The following MED12L variants were observed in gnomAD, a reference collection of about 807,000 sequenced individuals.
MED12L encodes mediator of RNA polymerase II transcription subunit 12-like protein.
Under a neutral mutation model 281.3 loss-of-function variants are expected in MED12L, and 60 were observed. The ratio of observed to expected loss-of-function variants is 0.21; its 90% CI spans 0.17 to 0.26. The LOEUF (loss-of-function observed/expected upper bound fraction) is 0.26. Ranked by LOEUF, MED12L falls within the 10% of genes least tolerant of loss-of-function variation. MED12L has a pLI of 1.00. For synonymous variants in MED12L, 974 were observed against 987.2 expected, an observed-to-expected ratio of 0.99 and a Z score of 0.25; for missense variants, 2,146 against 2,680.9, an observed-to-expected ratio of 0.80 and a Z score of 4.41.
chr3:151,368,672 T>TCATG (rs2107966558), intron 25 of MED12L, among the ~76,000 whole-genome samples: 2 of 65,130 alleles, frequency 3.1e-5, no homozygotes, highest in East Asian at 7.8e-4. Flanking sequence ...TTCATTTCAT[T>TCATG]TCATGTCATT....
intron 43 of MED12L, among the ~76,000 whole-genome samples, chr3:151,424,336 C>T (rs934399840): frequency 6.6e-6 from 1 of 152,216 alleles, no homozygotes; most frequent in African/African-American, 2.4e-5. Context: ...GATTAGATGA[C>T]TCTGCCGGAT....
intron 16 of MED12L, among the ~76,000 whole-genome samples, chr3:151,290,805 T>C (rs1286448380): frequency 1.3e-5 from 2 of 152,230 alleles, no homozygotes; most frequent in Admixed American, 1.3e-4. Flanking sequence ...GCTGTGTTAC[T>C]GTGAATTCGA....
chr3:151,378,230 C>G, intron 31 of MED12L, 57 bp downstream of exon 31: 1 of 1,483,838 alleles, frequency 6.7e-7, no homozygotes, highest in Non-Finnish European at 9.0e-7. Flanking sequence ...GAGAAAGTCT[C>G]ACTTCCTGTA....
rs35742538 is a variant in MED12L at position 151,292,288 on chromosome 3, C to CTTTTTTTTTTTTT, written c.2251-57766_2251-57754dup. 1.9e-3 allele frequency among the ~76,000 whole-genome samples: 262 copies of CTTTTTTTTTTTTT among 139,752 alleles called. 3 individuals are homozygous for CTTTTTTTTTTTTT. The highest frequency in any genetic ancestry group is 6.8e-3 in the African/African-American group (247 of 36,590). 91.7% of individuals were successfully genotyped at this position (139,752 alleles called of 152,430 possible). On this transcript the variant is annotated intron_variant, in intron 16 of 44. Coordinates refer to ENST00000687756, the MANE Select transcript of MED12L (RefSeq NM_001393769.1). ...TATTTTCCCAGCAATAATATTGCTCCTTTTTTTTTTTTTTTTTGGATGGAG... is the reference window on the plus strand; with the variant it reads ...TATTTTCCCAGCAATAATATTGCTCCTTTTTTTTTTTTTTTTTTTTTTTTTTTTTTGGATGGAG...
intron 16 of MED12L, chr3:151,328,028 T>G: frequency 6.3e-7 from 1 of 1,592,944 alleles, no homozygotes; most frequent in Non-Finnish European, 8.5e-7. Context: ...ACTGCTATGA[T>G]TTTCTTGGCT....
intron 22 of MED12L, 65 bp downstream of exon 22, chr3:151,365,271 A>G: frequency 1.5e-6 from 2 of 1,347,118 alleles, no homozygotes; most frequent in African/African-American, 2.9e-5. Context: ...CTTCTTTGAA[A>G]TTGATGTCGT....
At chr3:151,190,017 T>C (rs907640564) in intron 13 of MED12L, among the ~76,000 whole-genome samples, 4 of 152,164 alleles carry the variant, frequency 2.6e-5, no homozygotes, top group African/African-American at 9.7e-5. Flanking sequence ...ACCCATATTC[T>C]CACAATTGCA....
chr3:151,426,421 G>A (rs1245222856), intron 43 of MED12L, among the ~76,000 whole-genome samples: 2 of 152,172 alleles, frequency 1.3e-5, no homozygotes, highest in East Asian at 3.9e-4. Context: ...TCCCCTAGTG[G>A]TAGGTGCTCC....
chr3:151,089,889 C>G (rs1432980894), intron 2 of MED12L, among the ~76,000 whole-genome samples: 6 of 152,306 alleles, frequency 3.9e-5, no homozygotes, highest in African/African-American at 1.2e-4. Context: ...TGCTTATACC[C>G]CATTCATCCA....
intron 39 of MED12L, among the ~76,000 whole-genome samples, chr3:151,396,844 A>G (rs1209591541): frequency 6.6e-6 from 1 of 152,232 alleles, no homozygotes; most frequent in Non-Finnish European, 1.5e-5. Flanking sequence ...TGTTTTTAAA[A>G]GGTTCACTTC....
intron 16 of MED12L, among the ~76,000 whole-genome samples, chr3:151,291,877 A>G (rs1744300888): frequency 6.6e-6 from 1 of 152,160 alleles, no homozygotes; most frequent in Non-Finnish European, 1.5e-5. Flanking sequence ...AAAAATAGGG[A>G]TGATGTTCTC....
chr3:151,333,266 A>G (rs886806938), intron 16 of MED12L, among the ~76,000 whole-genome samples: 1 of 152,178 alleles, frequency 6.6e-6, no homozygotes, highest in Non-Finnish European at 1.5e-5. Flanking sequence ...ATACCCAGTC[A>G]TGGGATTGCT....
chr3:151,258,836 A>C (rs1467350335), intron 16 of MED12L, among the ~76,000 whole-genome samples: 1 of 139,610 alleles, frequency 7.2e-6, no homozygotes, highest in Admixed American at 7.5e-5. Context: ...TGGGCGACAG[A>C]GCAAGATTCT....
intron 11 of MED12L, among the ~76,000 whole-genome samples, chr3:151,179,808 A>G (rs1722498859): frequency 1.3e-5 from 2 of 152,254 alleles, no homozygotes; most frequent in African/African-American, 4.8e-5. Flanking sequence ...AAAAATGGAA[A>G]TAAAAACAAA....
intron 39 of MED12L, among the ~76,000 whole-genome samples, chr3:151,399,993 A>AG (rs1715467479): frequency 6.6e-6 from 1 of 152,002 alleles, no homozygotes; most frequent in Admixed American, 6.6e-5. Context: ...CGCCTGGCTG[A>AG]TTTTTGTATT....
At chr3:151,224,220 T>TA (rs1266358418) in intron 16 of MED12L, among the ~76,000 whole-genome samples, 5 of 152,226 alleles carry the variant, frequency 3.3e-5, no homozygotes, top group Non-Finnish European at 5.9e-5. Context: ...TTTCAGTTCT[T>TA]ATAAAGGTAC....
rs769376316 is a variant in MED12L at position 151,394,733 on chromosome 3, C to T, written c.5686C>T (p.Arg1896Cys). Residue 1896 changes from arginine (R) to cysteine (C), a missense_variant, in exon 39 of 45, where the codon CGC becomes TGC. Around this residue, in one of 9 missense-constraint regions of MED12L, gnomAD observed 496 missense variants for 512.0 expected, o/e 0.97. Transcript: ENST00000687756. ...KQALSNMLQR[R>C]SGAMMQPPSL... Reference sequence around the variant, plus strand: ...AGCTCTGTCAAACATGCTACAGCGGCGCTCAGGCGCCATGATGCAGCCGCC... The same window carrying T: ...AGCTCTGTCAAACATGCTACAGCGGTGCTCAGGCGCCATGATGCAGCCGCC... 6.2e-7 allele frequency: 1 copy of T among 1,614,274 alleles called. No homozygotes were observed.
intron 5 of MED12L, among the ~76,000 whole-genome samples, chr3:151,153,798 A>G (rs1576841893): frequency 6.6e-6 from 1 of 151,808 alleles, no homozygotes; most frequent in South Asian, 2.1e-4. Context: ...TGAACTCCTG[A>G]CCTCAGGTGA....
intron 2 of MED12L, among the ~76,000 whole-genome samples, chr3:151,111,686 G>A (rs1215358279): frequency 1.3e-5 from 2 of 152,166 alleles, no homozygotes; most frequent in Admixed American, 6.5e-5. Flanking sequence ...TGCAGCACGA[G>A]CAAGATTTTG....
Sources: gnomAD v4.1 joint callset for allele counts (sites outside exome capture counted in the v4.1 genomes callset) on GRCh38, gnomAD v4.1.1 for gene constraint, gnomAD v4.1.1 regional missense constraint, MANE v1.5 for transcripts, NCBI Gene and HGNC (gene_info 2026-07-23, HGNC 2026-07-21) for gene names.